Variants in PLD1 observed in about 807,000 individuals in gnomAD.
The protein encoded by PLD1 is choline phosphatase 1.
Under a neutral mutation model 137.1 loss-of-function variants are expected in PLD1, and 112 were observed. The ratio of observed to expected loss-of-function variants is 0.82; its 90% CI spans 0.70 to 0.96. PLD1 has a LOEUF of 0.96. Among genes scored for constraint, PLD1 ranks in the 40% least tolerant of loss-of-function variants. The pLI, the probability that PLD1 is intolerant of heterozygous loss-of-function variation, is 0.00. For missense variants in PLD1, 1,321 were observed against 1,342.0 expected (o/e 0.98, Z 0.24); for synonymous variants, 431 against 454.7 (o/e 0.95, Z 0.66).
At chr3:171,713,496 T>C (rs530119609) in intron 9 of PLD1, among the ~76,000 whole-genome samples, 5 of 152,320 alleles carry the variant, frequency 3.3e-5, no homozygotes, top group East Asian at 1.9e-4. Context: ...AAGATATCTT[T>C]CTTAAAATAT....
chr3:171,705,077 T>C (rs1246458024), intron 11 of PLD1, among the ~76,000 whole-genome samples: 1 of 152,228 alleles, frequency 6.6e-6, no homozygotes, highest in East Asian at 1.9e-4. Context: ...TCCTGTTGCA[T>C]GGCCTGGTTC....
At chr3:171,801,327 T>G (rs981696784) in intron 1 of PLD1, among the ~76,000 whole-genome samples, 6 of 152,386 alleles carry the variant, frequency 3.9e-5, no homozygotes, top group Middle Eastern at 3.4e-3. Context: ...GCAATGGATC[T>G]GCAAAAATTA....
At chr3:171,639,848 C>CTCTCTCTCTATATATATATATATATA (rs3050415) in intron 23 of PLD1, among the ~76,000 whole-genome samples, 27 of 110,176 alleles carry the variant, frequency 2.5e-4, no homozygotes, top group African/African-American at 1.0e-3. Flanking sequence ...CTCTCTCTCT[C>CTCTCTCTCTATATATATATATATATA]TATATATATA....
At position 171,603,009 on chromosome 3, in the gene PLD1, T is replaced by A. The variant is rs1731932720; in HGVS notation, c.*69A>T. 2 of 1,162,218 alleles carry A rather than the reference T, an allele frequency of 1.7e-6. No individual in the cohort carries two copies. The highest frequency in any genetic ancestry group is 1.5e-5 in the African/African-American group (1 of 65,842). The allele number at this position is 1,162,218 out of a possible 1,614,324, so 72.0% of individuals were successfully genotyped here. A position where few individuals can be genotyped will look rare whatever the true frequency, so the allele number is the denominator to read the frequency against. On this transcript the variant is annotated 3_prime_UTR_variant, in exon 27 of 27. Coordinates refer to ENST00000351298, the MANE Select transcript of PLD1 (RefSeq NM_002662.5). ...GTCAGGCCTGGCTTTGGCTATGACA[T>A]CCCCAGGAAGTCACTGTGTGCAGTG...
chr3:171,710,872 C>CTTTTTTTTT lies in PLD1; in HGVS notation c.912-1172_912-1164dup, dbSNP rs774704143. Among the ~76,000 whole-genome samples the CTTTTTTTTT allele has an allele frequency of 3.7e-3, 367 of 98,554 alleles. 50 individuals carry two copies. Among genetic ancestry groups the CTTTTTTTTT allele is most frequent in the African/African-American group, 0.016 (334 of 21,360 alleles). 64.7% of individuals were successfully genotyped at this position (98,554 alleles called of 152,430 possible). On this transcript the variant is annotated intron_variant, in intron 9 of 26. Coordinates refer to ENST00000351298, the MANE Select transcript of PLD1 (RefSeq NM_002662.5). The stretch of plus-strand genomic sequence containing the variant: ...TTTCACTAATCATAGGAAAACTGTT[C>CTTTTTTTTT]TTTTTTTTTTTTTTTTTTTGAGACG...
chr3:171,690,018 T>G (rs1449997193), intron 13 of PLD1, among the ~76,000 whole-genome samples: 2 of 152,240 alleles, frequency 1.3e-5, no homozygotes, highest in Non-Finnish European at 2.9e-5. Flanking sequence ...CCCTGGCTTT[T>G]CATCTGGGGG....
intron 1 of PLD1, among the ~76,000 whole-genome samples, chr3:171,780,634 A>G (rs138252714): frequency 6.6e-4 from 101 of 152,258 alleles, no homozygotes; most frequent in South Asian, 2.1e-3. Context: ...AATGATAGAG[A>G]GATCAATTAT....
chr3:171,641,110 C>T (rs891624614), intron 23 of PLD1, among the ~76,000 whole-genome samples: 1 of 152,174 alleles, frequency 6.6e-6, no homozygotes, highest in Admixed American at 6.5e-5. Context: ...CTGCTCCCTC[C>T]AATGGCTGCT....
intron 1 of PLD1, among the ~76,000 whole-genome samples, chr3:171,764,731 T>C (rs1442123647): frequency 6.6e-6 from 1 of 151,356 alleles, no homozygotes; most frequent in Non-Finnish European, 1.5e-5. Context: ...TACACGGTCT[T>C]TGAAAATCAA....
At chr3:171,666,736 G>A (rs1055913596) in intron 19 of PLD1, among the ~76,000 whole-genome samples, 31 of 152,172 alleles carry the variant, frequency 2.0e-4, no homozygotes, top group East Asian at 3.9e-4. Context: ...TTATCTTACC[G>A]TCCCAAATGT....
intron 1 of PLD1, among the ~76,000 whole-genome samples, chr3:171,761,674 T>C (rs1332508120): frequency 5.9e-5 from 9 of 152,182 alleles, no homozygotes; most frequent in Admixed American, 4.6e-4. Context: ...AGTCTAGTGC[T>C]CAGAGTAGGC....
intron 11 of PLD1, among the ~76,000 whole-genome samples, chr3:171,707,066 A>C (rs1716752375): frequency 6.6e-6 from 1 of 152,232 alleles, no homozygotes; most frequent in Non-Finnish European, 1.5e-5. Context: ...TAACACAGGA[A>C]CAAAAAACCG....
At chr3:171,651,848 C>T (rs1736794392) in intron 21 of PLD1, among the ~76,000 whole-genome samples, 1 of 152,154 alleles carries the variant, frequency 6.6e-6, no homozygotes, top group Non-Finnish European at 1.5e-5. Context: ...CTCCTTCTTC[C>T]TTCCTCTCTT....
intron 23 of PLD1, among the ~76,000 whole-genome samples, chr3:171,624,714 T>C (rs1294595277): frequency 6.6e-6 from 1 of 152,138 alleles, no homozygotes; most frequent in Non-Finnish European, 1.5e-5. Context: ...TTACGAGAAA[T>C]GAAGATCTCT....
At chr3:171,707,846 T>C (rs1325666274) in intron 11 of PLD1, among the ~76,000 whole-genome samples, 9 of 152,256 alleles carry the variant, frequency 5.9e-5, no homozygotes, top group Non-Finnish European at 1.3e-4. Flanking sequence ...GCATGCCTTA[T>C]AATTATAGAT....
intron 14 of PLD1, 119 bp from the exon 15 acceptor site, chr3:171,687,703 T>A (rs979636058): frequency 1.5e-6 from 1 of 667,466 alleles, no homozygotes; most frequent in Non-Finnish European, 2.5e-6. Flanking sequence ...ATAACAGACA[T>A]GCAATAATGT....
rs71178233 is a variant in PLD1, at chr3:171,737,661, T to TAA, written c.161-4_161-3dup. On this transcript the variant is annotated splice_polypyrimidine_tract_variant and splice_region_variant and intron_variant, in intron 2 of 26. Coordinates refer to ENST00000351298, the MANE Select transcript of PLD1 (RefSeq NM_002662.5). ...AAATAGCAGAGAAAGGGATATACAC[T>TAA]AAAAAAAAAAGTAAATAAAGTTAAT... 43 of 1,271,272 alleles carry TAA rather than the reference T, an allele frequency of 3.4e-5. No homozygotes were observed. Among genetic ancestry groups the TAA allele is most frequent in the Non-Finnish European group, 4.2e-5 (39 of 932,916 alleles). The allele number at this position is 1,271,272 out of a possible 1,614,324, so 78.7% of individuals were successfully genotyped here. A position where few individuals can be genotyped will look rare whatever the true frequency, so the allele number is the denominator to read the frequency against.
intron 8 of PLD1, among the ~76,000 whole-genome samples, chr3:171,714,386 C>T (rs1033285096): frequency 5.3e-5 from 8 of 152,182 alleles, no homozygotes. Context: ...AGATGGGATC[C>T]ATTTACAGTG....
intron 23 of PLD1, among the ~76,000 whole-genome samples, chr3:171,640,649 T>C (rs768107188): frequency 5.3e-5 from 8 of 152,240 alleles, no homozygotes; most frequent in Middle Eastern, 3.2e-3. Flanking sequence ...AACTCTGCCT[T>C]AGGCTTCACT....
Sources: allele counts gnomAD v4.1 joint callset (sites outside exome capture counted in the v4.1 genomes callset), GRCh38; gene constraint gnomAD v4.1.1; transcripts MANE v1.5; gene names NCBI Gene and HGNC (gene_info 2026-07-23, HGNC 2026-07-21).